Variants in PYCR2 observed in about 807,000 individuals in gnomAD.
PYCR2 encodes the protein P5C reductase 2.
A neutral mutation model predicts 23.4 loss-of-function variants in PYCR2; 17 were observed. That is an observed-to-expected ratio of 0.73 (90% CI 0.50 to 1.09). PYCR2 has a LOEUF of 1.09. Among genes scored for constraint, PYCR2 ranks in the 50% least tolerant of loss-of-function variants. The pLI is 0.00. For synonymous variants in PYCR2, 172 were observed against 176.6 expected (o/e 0.97, Z 0.21); for missense variants, 380 against 423.5 (o/e 0.90, Z 0.90).
At chr1:225,922,562 G>A in intron 2 of PYCR2, 179 bp from the exon 3 acceptor site, 1 of 631,766 alleles carries the variant, frequency 1.6e-6, no homozygotes, top group Non-Finnish European at 2.7e-6. Flanking sequence ...TGTTGCTACT[G>A]GACAAGTAAG....
At position 225,921,285 on chromosome 1, in the gene PYCR2, G is replaced by A. The variant is rs369470695; in HGVS notation, c.720C>T (p.His240=). Residue 240 remains histidine (H), a synonymous_variant, in exon 6 of 7, where the codon CAC becomes CAT. Transcript: ENST00000343818. This position sits in a 1 kb window ranked among gnomAD's most constrained non-coding sequence, Gnocchi z 4.2. ...NVCSPGGATI[H]ALHFLESGGF... is the part of the protein sequence containing the mutation. Reference sequence around the variant, plus strand: ...CCCCACTCTCTAGAAAGTGCAGGGCGTGGATGGTGGCTCCCCCAGGGGAGC... The same window carrying A: ...CCCCACTCTCTAGAAAGTGCAGGGCATGGATGGTGGCTCCCCCAGGGGAGC... 170 of 1,611,224 alleles carry A rather than the reference G, an allele frequency of 1.1e-4. No individual in the cohort carries two copies. The highest frequency in any genetic ancestry group is 1.3e-4 in the Non-Finnish European group (153 of 1,177,430).
In PYCR2 at chr1:225,923,780, G is replaced by A. The variant is rs756725826; in HGVS notation, c.68-9C>T. 31 of 1,614,004 alleles carry A rather than the reference G, an allele frequency of 1.9e-5. No homozygotes were observed. In the African/African-American group the frequency reaches 3.9e-4, roughly 20 times the overall value. Reference sequence around the variant, plus strand: ...GTGAGCCGACAGGATGCCTGCAGAAGACAGAGCTTTTCAACTAGGGGTCGC... The same window carrying A: ...GTGAGCCGACAGGATGCCTGCAGAAAACAGAGCTTTTCAACTAGGGGTCGC... On this transcript the variant is annotated splice_polypyrimidine_tract_variant and intron_variant, in intron 1 of 6. Coordinates refer to ENST00000343818, the MANE Select transcript of PYCR2 (RefSeq NM_013328.4).
intron 6 of PYCR2, 52 bp from the exon 7 acceptor site, chr1:225,920,672 A>T: frequency 6.4e-7 from 1 of 1,567,442 alleles, no homozygotes; most frequent in Non-Finnish European, 8.8e-7. Context: ...CCCTGGGGCC[A>T]GAGCTTTGAG....
At position 225,922,395 on chromosome 1, in the gene PYCR2, G is replaced by A. The variant is rs1671867047; in HGVS notation, c.139-12C>T. The A allele has an allele frequency of 6.2e-7, 1 of 1,604,388 alleles. No individual in the cohort carries two copies. Among genetic ancestry groups the A allele is most frequent in the African/African-American group, 1.3e-5 (1 of 74,754 alleles). ...TTCACACCCATCTTCTGCAAGAGGA[G>A]ACTCCCAGCTCACAGTGCTGGAGCA... On this transcript the variant is annotated splice_polypyrimidine_tract_variant and intron_variant, in intron 2 of 6. Transcript: ENST00000343818.
rs77157663 is a variant in PYCR2 at position 225,924,245 on chromosome 1, T to C, written c.-135A>G. The C allele has an allele frequency of 0.05, 51,315 of 1,016,296 alleles. 1,513 individuals carry two copies. Among genetic ancestry groups the C allele is most frequent in the Middle Eastern group, 0.067 (210 of 3,120 alleles). 63.0% of individuals were successfully genotyped at this position (1,016,296 alleles called of 1,614,324 possible). A position where few individuals can be genotyped will look rare whatever the true frequency, so the allele number is the denominator to read the frequency against. The stretch of plus-strand genomic sequence containing the variant: ...GGACCGGCGAGCTAACAGCAGCTTC[T>C]GGGATGGTGCAACCCTATTCTCCCC... On this transcript the variant is annotated 5_prime_UTR_variant, in exon 1 of 7. Transcript: ENST00000343818.
intron 3 of PYCR2, 30 bp downstream of exon 3, chr1:225,922,174 C>A (rs747116781): frequency 1.5e-5 from 24 of 1,608,582 alleles, no homozygotes; most frequent in Non-Finnish European, 2.0e-5. Context: ...CCTCCCCTCA[C>A]ACAAGGGGCA....
chr1:225,923,290 CGGGAGGCTGAGGT>C (rs768055844), intron 2 of PYCR2: 199 of 306,848 alleles, frequency 6.5e-4, no homozygotes, highest in African/African-American at 2.1e-3. Context: ...TCCAGCTACT[CGGGAGGCTGAGGT>C]GGGAGGCTGA....
chr1:225,924,215 G>GC lies in PYCR2; in HGVS notation c.-106dup. On this transcript the variant is annotated 5_prime_UTR_variant, in exon 1 of 7. Coordinates refer to ENST00000343818, the MANE Select transcript of PYCR2 (RefSeq NM_013328.4). ...CAGCGCAGGGGCGAACGGGCGGCGT[G>GC]CCGAGGACCGGCGAGCTAACAGCAG... 1.5e-6 allele frequency: 2 copies of GC among 1,290,386 alleles called. No homozygotes were observed. The highest frequency in any genetic ancestry group is 2.1e-6 in the Non-Finnish European group (2 of 959,032). 79.9% of individuals were successfully genotyped at this position (1,290,386 alleles called of 1,614,324 possible). A position where few individuals can be genotyped will look rare whatever the true frequency, so the allele number is the denominator to read the frequency against.
chr1:225,922,386 G>A lies in PYCR2; in HGVS notation c.139-3C>T. 5.0e-6 allele frequency: 8 copies of A among 1,606,182 alleles called. No individual in the cohort carries two copies. The highest frequency in any genetic ancestry group is 6.8e-6 in the Non-Finnish European group (8 of 1,173,746). On this transcript the variant is annotated splice_polypyrimidine_tract_variant and splice_region_variant and intron_variant, in intron 2 of 6. Coordinates refer to ENST00000343818, the MANE Select transcript of PYCR2 (RefSeq NM_013328.4). Reference sequence around the variant, plus strand: ...CGTGTCAGGTTCACACCCATCTTCTGCAAGAGGAGACTCCCAGCTCACAGT... The same window carrying A: ...CGTGTCAGGTTCACACCCATCTTCTACAAGAGGAGACTCCCAGCTCACAGT...
At chr1:225,923,463 T>C (rs1576148745) in intron 2 of PYCR2, 3 of 1,379,928 alleles carry the variant, frequency 2.2e-6, no homozygotes, top group African/African-American at 1.5e-5. Flanking sequence ...CATAATCACC[T>C]CAGTTAATCC....
chr1:225,924,103 A>G lies in PYCR2; in HGVS notation c.8T>C (p.Val3Ala). 1 of 1,545,170 alleles carries G rather than the reference A, an allele frequency of 6.5e-7. No homozygotes were observed. Among genetic ancestry groups the G allele is most frequent in the South Asian group, 1.2e-5 (1 of 84,286 alleles). The part of the protein sequence containing the change: MS[V>A]GFIGAGQLAY... The stretch of plus-strand genomic sequence containing the variant: ...CAGCTGGCCGGCCCCGATGAAGCCC[A>G]CGCTCATGGTCCGCGGTTCACGCCT... The change falls in exon 1 of 7, where the codon GTG becomes GCG. Residue 3 changes from valine to alanine, a missense_variant. Val to Ala is a moderately conservative substitution (Grantham distance 64). Coordinates refer to ENST00000343818, the MANE Select transcript of PYCR2 (RefSeq NM_013328.4).
At chr1:225,924,007 C>A (rs577500336) in intron 1 of PYCR2, 37 bp downstream of exon 1, 1 of 1,533,204 alleles carries the variant, frequency 6.5e-7, no homozygotes, top group African/African-American at 1.4e-5. Context: ...GGCCTCGGGA[C>A]CGCCCGCGAA....
rs764803840 is a variant in PYCR2 at position 225,922,259 on chromosome 1, GC to G, written c.262del (p.Ala88ProfsTer21). ...CGCACAGGAGACCACGATGTGTCTG[GC>G]TTGCACGTCGGCCCCAATCTCATCC... ...ILDEIGADVQ[A>X]RHIVVSCAAG... On this transcript the variant is annotated frameshift_variant, in exon 3 of 7. Coordinates refer to ENST00000343818, the MANE Select transcript of PYCR2 (RefSeq NM_013328.4). LOFTEE classifies it high-confidence loss of function. 1.2e-6 allele frequency: 2 copies of G among 1,614,094 alleles called. No homozygotes were observed. Among genetic ancestry groups the G allele is most frequent in the Admixed American group, 3.3e-5 (2 of 60,006 alleles).
intron 2 of PYCR2, 133 bp from the exon 3 acceptor site, chr1:225,922,516 G>C: frequency 1.1e-6 from 1 of 875,860 alleles, no homozygotes; most frequent in Non-Finnish European, 1.7e-6. Context: ...ATGCCCTCAG[G>C]GTTCTACCCC....
Position 225,921,260 on chromosome 1 carries a change from C to G in PYCR2, c.745G>C (p.Gly249Arg), listed in dbSNP as rs1336290807. ...IHALHFLESG[G>R]FRSLLINAVE... is the part of the protein sequence containing the mutation. The stretch of plus-strand genomic sequence containing the variant: ...GCATTGATGAGCAGAGAGCGGAAGC[C>G]CCCACTCTCTAGAAAGTGCAGGGCG... Residue 249 changes from glycine (G) to arginine (R), a missense_variant, in exon 6 of 7, where the codon GGC (glycine) becomes CGC (arginine). Coordinates refer to ENST00000343818, the MANE Select transcript of PYCR2 (RefSeq NM_013328.4). This position sits in a 1 kb window ranked among gnomAD's most constrained non-coding sequence, Gnocchi z 4.2. 1 of 1,614,022 alleles carries G rather than the reference C, an allele frequency of 6.2e-7. No individual in the cohort carries two copies. The highest frequency in any genetic ancestry group is 8.5e-7 in the Non-Finnish European group (1 of 1,179,918).
rs777092134 is a variant in PYCR2 at position 225,920,634 on chromosome 1, C to T, written c.798-14G>A. 3.1e-6 allele frequency: 5 copies of T among 1,612,268 alleles called. No homozygotes were observed. In the South Asian group the frequency reaches 4.4e-5, roughly 14 times the overall value. The stretch of plus-strand genomic sequence containing the variant: ...GACTGTAGCTCTCTGCAGACAAAAC[C>T]CCAGAAGGATTAAAGGAAGGCAATA... On this transcript the variant is annotated splice_polypyrimidine_tract_variant and intron_variant, in intron 6 of 6. Transcript: ENST00000343818.
At position 225,921,851 on chromosome 1, in the gene PYCR2, G is replaced by C. The variant is rs1671850520; in HGVS notation, c.540+7C>G. ...TAGAAGGCTGAGCGAGCAAATGAGGGCCTCACATAGGCAGGCCCGCTGCCA... is the reference window on the plus strand; with the variant it reads ...TAGAAGGCTGAGCGAGCAAATGAGGCCCTCACATAGGCAGGCCCGCTGCCA... On this transcript the variant is annotated splice_region_variant and intron_variant, in intron 4 of 6. Coordinates refer to ENST00000343818, the MANE Select transcript of PYCR2 (RefSeq NM_013328.4). This position sits in a 1 kb window ranked among gnomAD's most constrained non-coding sequence, Gnocchi z 4.2. 1 of 1,612,542 alleles carries C rather than the reference G, an allele frequency of 6.2e-7. No homozygotes were observed. Among genetic ancestry groups the C allele is most frequent in the Admixed American group, 1.7e-5 (1 of 59,972 alleles).
At position 225,920,617 on chromosome 1, in the gene PYCR2, C is replaced by T. The variant is rs200057700; in HGVS notation, c.801G>A (p.Glu267=). The change falls in exon 7 of 7, where the codon GAG becomes GAA. Residue 267 remains glutamate (E), a synonymous_variant. Coordinates refer to ENST00000343818, the MANE Select transcript of PYCR2 (RefSeq NM_013328.4). ...AVEASCIRTR[E]LQSMADQEKI... ...TTTCTTGGTCGGCCATGGACTGTAG[C>T]TCTCTGCAGACAAAACCCCAGAAGG... 1.3e-4 allele frequency: 213 copies of T among 1,613,558 alleles called. No individual in the cohort carries two copies. The highest frequency in any genetic ancestry group is 1.8e-4 in the Non-Finnish European group (207 of 1,179,568).
In PYCR2 at chr1:225,921,599, C is replaced by A. The variant is rs1671841590; in HGVS notation, c.586G>T (p.Gly196Cys). The change falls in exon 5 of 7, where the codon GGT becomes TGT. Residue 196 changes from glycine (G) to cysteine (C), a missense_variant. Coordinates refer to ENST00000343818, the MANE Select transcript of PYCR2 (RefSeq NM_013328.4). This position sits in a 1 kb window ranked among gnomAD's most constrained non-coding sequence, Gnocchi z 4.2. ...TGGATTGCCAGGCGCCGTGGCAAACCCATCTTCACCCCACCATCAGCCAAT... is the reference window on the plus strand; with the variant it reads ...TGGATTGCCAGGCGCCGTGGCAAACACATCTTCACCCCACCATCAGCCAAT... ...DALADGGVKMGLPRRLAIQLG... is the reference protein window; with the variant it reads ...DALADGGVKMCLPRRLAIQLG... The A allele has an allele frequency of 6.2e-7, 1 of 1,614,104 alleles. No individual in the cohort carries two copies. Among genetic ancestry groups the A allele is most frequent in the Non-Finnish European group, 8.5e-7 (1 of 1,180,034 alleles).
Sources: allele counts gnomAD v4.1 joint callset, GRCh38; gene constraint gnomAD v4.1.1; non-coding constraint Gnocchi (gnomAD v3.1); transcripts MANE v1.5; gene names NCBI Gene and HGNC (gene_info 2026-07-23, HGNC 2026-07-21).